ZNF566: variants seen among roughly 807,000 people sequenced by gnomAD.
The protein encoded by ZNF566 is zinc finger protein 566.
In ZNF566, 27 loss-of-function variants were observed where a neutral mutation model predicts 32.8. The ratio of observed to expected loss-of-function variants is 0.82; its 90% CI spans 0.61 to 1.14. ZNF566 has a LOEUF of 1.14. Ranked by LOEUF, ZNF566 falls within the 50% of genes most tolerant of loss-of-function variation. ZNF566 has a pLI of 0.00. For missense variants in ZNF566, 402 were observed against 490.4 expected (o/e 0.82, Z 1.70); for synonymous variants, 154 against 159.5 (o/e 0.97, Z 0.26).
chr19:36,459,606 G>T (rs2033408136), intron 4 of ZNF566, among the ~76,000 whole-genome samples: 2 of 149,118 alleles, frequency 1.3e-5, no homozygotes, highest in Non-Finnish European at 3.0e-5. Context: ...TGCCTTCCAG[G>T]TTCAAGCGAT....
At chr19:36,459,348 G>A (rs1239108150) in intron 4 of ZNF566, among the ~76,000 whole-genome samples, 2 of 152,140 alleles carry the variant, frequency 1.3e-5, no homozygotes, top group African/African-American at 2.4e-5. Context: ...CCAAGTAACT[G>A]GGATTACAGG....
In ZNF566 at chr19:36,476,534, G is replaced by A. The variant is rs2033890558; in HGVS notation, c.9+15C>T. On this transcript the variant is annotated intron_variant, in intron 2 of 4. Coordinates refer to ENST00000452939, the MANE Select transcript of ZNF566 (RefSeq NM_001145344.1). ...AAAAATCACTCTATCTGAGCAAAAG[G>A]AAACAGTATCTCACCTGAGCCATGG... 6.2e-7 allele frequency: 1 copy of A among 1,611,080 alleles called. No homozygotes were observed. The highest frequency in any genetic ancestry group is 8.5e-7 in the Non-Finnish European group (1 of 1,177,950).
intron 4 of ZNF566, among the ~76,000 whole-genome samples, chr19:36,461,341 T>C (rs1327036668): frequency 6.6e-6 from 1 of 152,202 alleles, no homozygotes; most frequent in Non-Finnish European, 1.5e-5. Context: ...GTTTTCTGTT[T>C]CTTTGAACTT....
chr19:36,487,930 G>A (rs1304522121), intron 1 of ZNF566, among the ~76,000 whole-genome samples: 5 of 147,816 alleles, frequency 3.4e-5, no homozygotes. Flanking sequence ...AAAAGAATGG[G>A]TAAAACTAGT....
intron 2 of ZNF566, chr19:36,476,130 A>G (rs56246998): frequency 0.18 from 28,214 of 153,456 alleles, 2,827 homozygotes; most frequent in Non-Finnish European, 0.23. Context: ...ACATGGCAAA[A>G]ACTCATCTCT....
chr19:36,456,902 T>C lies in ZNF566; in HGVS notation c.233-6901A>G, dbSNP rs374870007. Among the ~76,000 whole-genome samples, 46 of 152,180 alleles carry C rather than the reference T, an allele frequency of 3.0e-4. No individual in the cohort carries two copies. In the East Asian group the frequency reaches 8.7e-3, roughly 29 times the overall value. On this transcript the variant is annotated intron_variant, in intron 4 of 4. Transcript: ENST00000452939. ...CAAATAGCAAAAACAATCCTAAAAT[T>C]CATATGGAACCATAAAAGACCCTGA...
chr19:36,455,883 C>CA (rs1449768720), intron 4 of ZNF566, among the ~76,000 whole-genome samples: 2 of 151,728 alleles, frequency 1.3e-5, no homozygotes, highest in Non-Finnish European at 2.9e-5. Context: ...ACTAAAAATA[C>CA]AAAAAATTAG....
intron 4 of ZNF566, among the ~76,000 whole-genome samples, chr19:36,472,518 A>G (rs963157548): frequency 6.6e-6 from 1 of 152,208 alleles, no homozygotes. Context: ...ATAAACCCCT[A>G]TCCCAAAAAA....
At chr19:36,480,113 C>A (rs1355445070) in intron 1 of ZNF566, among the ~76,000 whole-genome samples, 1 of 151,790 alleles carries the variant, frequency 6.6e-6, no homozygotes, top group African/African-American at 2.4e-5. Flanking sequence ...CTTATAATAG[C>A]CGAGATAGCT....
chr19:36,455,568 C>T (rs2033280487), intron 4 of ZNF566, among the ~76,000 whole-genome samples: 1 of 151,884 alleles, frequency 6.6e-6, no homozygotes, highest in Non-Finnish European at 1.5e-5. Flanking sequence ...ATGGCAACAT[C>T]CCGTCTCTAC....
At chr19:36,463,321 C>T (rs1340719502) in intron 4 of ZNF566, among the ~76,000 whole-genome samples, 6 of 151,984 alleles carry the variant, frequency 3.9e-5, no homozygotes, top group Admixed American at 2.6e-4. Flanking sequence ...AACTCAACTG[C>T]ATTTGTAGAC....
At chr19:36,463,257 T>C (rs948766494) in intron 4 of ZNF566, among the ~76,000 whole-genome samples, 4 of 152,012 alleles carry the variant, frequency 2.6e-5, no homozygotes, top group Non-Finnish European at 5.9e-5. Flanking sequence ...GAGCTGTGGG[T>C]TCACCACTAC....
At chr19:36,470,085 C>T (rs768531882) in intron 4 of ZNF566, among the ~76,000 whole-genome samples, 8 of 152,184 alleles carry the variant, frequency 5.3e-5, no homozygotes, top group Non-Finnish European at 1.2e-4. Context: ...CCTTCTCCTG[C>T]TGTAAACCTC....
chr19:36,459,192 A>G (rs1320670409), intron 4 of ZNF566, among the ~76,000 whole-genome samples: 1 of 152,226 alleles, frequency 6.6e-6, no homozygotes, highest in Non-Finnish European at 1.5e-5. Context: ...GAATTCTGGA[A>G]GGAAAATATG....
At chr19:36,485,036 T>C (rs1176666759) in intron 1 of ZNF566, among the ~76,000 whole-genome samples, 1 of 152,094 alleles carries the variant, frequency 6.6e-6, no homozygotes, top group Non-Finnish European at 1.5e-5. Flanking sequence ...TATACTAATA[T>C]ATATATCTCC....
At chr19:36,465,707 G>A (rs969178339) in intron 4 of ZNF566, among the ~76,000 whole-genome samples, 23 of 151,378 alleles carry the variant, frequency 1.5e-4, no homozygotes, top group East Asian at 3.9e-4. Flanking sequence ...TCTCCTGACC[G>A]CGTGATCCAC....
intron 4 of ZNF566, among the ~76,000 whole-genome samples, chr19:36,455,778 T>C (rs1246194506): frequency 2.6e-4 from 39 of 148,888 alleles, no homozygotes; most frequent in Admixed American, 2.5e-3. Context: ...CAGTGGCTTA[T>C]GCCTGTAATC....
rs749517572 is a variant in ZNF566 at position 36,449,506 on chromosome 19, G to GT, written c.727dup (p.Thr243AsnfsTer10). On this transcript the variant is annotated frameshift_variant, in exon 5 of 5. Coordinates refer to ENST00000452939, the MANE Select transcript of ZNF566 (RefSeq NM_001145344.1). LOFTEE classifies it high-confidence loss of function. The stretch of plus-strand genomic sequence containing the variant: ...ACCAGTGTGAATTCTGTGATGTCGA[G>GT]TAAGGTCTGAGCCACAAATAAAGGT... 4 of 1,614,096 alleles carry GT rather than the reference G, an allele frequency of 2.5e-6. No individual in the cohort carries two copies. The highest frequency in any genetic ancestry group is 3.4e-6 in the Non-Finnish European group (4 of 1,180,024).
rs768572977 is a variant in ZNF566 at position 36,449,810 on chromosome 19, A to G, written c.424T>C (p.Leu142=). 1.2e-5 allele frequency: 20 copies of G among 1,614,066 alleles called. No individual in the cohort carries two copies. Among genetic ancestry groups the G allele is most frequent in the Middle Eastern group, 1.6e-4 (1 of 6,084 alleles). Residue 142 remains leucine, a synonymous_variant, in exon 5 of 5, where the codon TTG becomes CTG. Coordinates refer to ENST00000452939, the MANE Select transcript of ZNF566 (RefSeq NM_001145344.1). ...LGSQGGHFNQ[L]VFTHEDLPTL... ...GGCAGATCTTCATGAGTGAATACCAATTGATTGAAATGTCCCCCCTGAGAG... is the reference window on the plus strand; with the variant it reads ...GGCAGATCTTCATGAGTGAATACCAGTTGATTGAAATGTCCCCCCTGAGAG...
Sources: allele counts gnomAD v4.1 joint callset (sites outside exome capture counted in the v4.1 genomes callset), GRCh38; gene constraint gnomAD v4.1.1; transcripts MANE v1.5; gene names NCBI Gene and HGNC (gene_info 2026-07-23, HGNC 2026-07-21).